Variants in GTF3C5 observed in about 807,000 individuals in gnomAD.
GTF3C5 encodes general transcription factor 3C polypeptide 5.
A neutral mutation model predicts 61.0 loss-of-function variants in GTF3C5; 47 were observed. The ratio of observed to expected loss-of-function variants is 0.77; its 90% confidence interval spans 0.61 to 0.98. GTF3C5 has a LOEUF of 0.98. Among genes scored for constraint, GTF3C5 ranks in the 50% least tolerant of loss-of-function variants. The pLI is 0.00. For synonymous variants in GTF3C5, 295 were observed against 275.4 expected, an observed-to-expected ratio of 1.07 and a Z score of -0.71; for missense variants, 659 against 703.3, an observed-to-expected ratio of 0.94 and a Z score of 0.71.
At position 133,058,092 on chromosome 9, in the gene GTF3C5, T is replaced by G. The variant is rs1829993858; in HGVS notation, c.*112T>G. On this transcript the variant is annotated 3_prime_UTR_variant, in exon 11 of 11. Transcript: ENST00000372097. The stretch of plus-strand genomic sequence containing the variant: ...TGCCCGGAATGGCCCTAGGAGGCCC[T>G]CTGAGGAGAGCTAGAGTCCCAGCAA... The G allele has an allele frequency of 3.2e-6, 5 of 1,542,362 alleles. No individual in the cohort carries two copies. Among genetic ancestry groups the G allele is most frequent in the Non-Finnish European group, 4.4e-6 (5 of 1,148,814 alleles).
At chr9:133,048,582 TCGCTTGAACCCAGGATG>T (rs1564200845) in intron 3 of GTF3C5, among the ~76,000 whole-genome samples, 2 of 152,130 alleles carry the variant, frequency 1.3e-5, no homozygotes, top group Non-Finnish European at 2.9e-5. Flanking sequence ...GGCAGGAGAA[TCGCTTGAACCCAGGATG>T]TGGAGGTTGA....
At position 133,056,016 on chromosome 9, in the gene GTF3C5, C is replaced by G; in HGVS notation, c.1172C>G (p.Ser391Cys). 6.2e-7 allele frequency: 1 copy of G among 1,614,132 alleles called. No individual in the cohort carries two copies. Among genetic ancestry groups the G allele is most frequent in the Non-Finnish European group, 8.5e-7 (1 of 1,179,966 alleles). The change falls in exon 9 of 11, where the codon TCT (serine) becomes TGT (cysteine). Residue 391 changes from serine (S) to cysteine (C), a missense_variant. Ser to Cys is a moderately radical substitution (Grantham distance 112). Transcript: ENST00000372097. ...PASSKYKLKD[S>C]VYIFREGALP... ...TCTCTCCCCCTTTGTCACCAGGACT[C>G]TGTCTACATCTTCCGGGAAGGGGCC...
intron 3 of GTF3C5, among the ~76,000 whole-genome samples, chr9:133,047,668 C>T (rs550977514): frequency 2.2e-4 from 34 of 152,104 alleles, no homozygotes; most frequent in African/African-American, 4.3e-4. Flanking sequence ...ATTACAGGTG[C>T]GCGCCATCAC....
At chr9:133,055,877 C>T in intron 8 of GTF3C5, 135 bp from the exon 9 acceptor site, 1 of 1,458,906 alleles carries the variant, frequency 6.9e-7, no homozygotes, top group Non-Finnish European at 9.1e-7. Context: ...GCCTTCCAGC[C>T]TGTCTGCCCA....
Position 133,043,863 on chromosome 9 carries a change from C to G in GTF3C5, c.509C>G (p.Pro170Arg), listed in dbSNP as rs376483496. 4 of 1,614,116 alleles carry G rather than the reference C, an allele frequency of 2.5e-6. No individual in the cohort carries two copies. The highest frequency in any genetic ancestry group is 2.2e-5 in the East Asian group (1 of 44,882). The change falls in exon 3 of 11, where the codon CCA becomes CGA. Residue 170 changes from proline (P) to arginine (R), a missense_variant. Pro to Arg is a moderately radical substitution (Grantham distance 103). Coordinates refer to ENST00000372097, the MANE Select transcript of GTF3C5 (RefSeq NM_012087.4). Reference protein sequence around the residue: ...FHQELPLYIPPPIFSRLDAPV... With the variant: ...FHQELPLYIPRPIFSRLDAPV... ...CAGGAGCTGCCGCTCTACATCCCCC[C>G]ACCCATCTTCTCCCGGCTGGACGCC... is the stretch of plus-strand genomic sequence containing the variant.
At chr9:133,050,693 G>C (rs923849884) in intron 3 of GTF3C5, 90 bp from the exon 4 acceptor site, 9 of 902,778 alleles carry the variant, frequency 1.0e-5, no homozygotes, top group South Asian at 9.0e-5. Flanking sequence ...GTGGGCCTTG[G>C]GGGGTTCTGG....
intron 5 of GTF3C5, among the ~76,000 whole-genome samples, chr9:133,052,756 C>A (rs1044646863): frequency 6.6e-6 from 1 of 152,220 alleles, no homozygotes; most frequent in East Asian, 1.9e-4. Flanking sequence ...AAGAAAGACT[C>A]ATTTCTTCTG....
intron 1 of GTF3C5, among the ~76,000 whole-genome samples, chr9:133,031,425 C>A (rs1316138903): frequency 6.6e-6 from 1 of 152,010 alleles, no homozygotes. Flanking sequence ...GATTTTGGCT[C>A]ACTGCAACCT....
At position 133,049,580 on chromosome 9, in the gene GTF3C5, G is replaced by A. The variant is rs149897297; in HGVS notation, c.573-1203G>A. Reference sequence around the variant, plus strand: ...TTCGATGAAATGCAGTTAACCATGTGCTGATCATTGCTGAAGCTGGTGACG... The same window carrying A: ...TTCGATGAAATGCAGTTAACCATGTACTGATCATTGCTGAAGCTGGTGACG... On this transcript the variant is annotated intron_variant, in intron 3 of 10. Coordinates refer to ENST00000372097, the MANE Select transcript of GTF3C5 (RefSeq NM_012087.4). 3.0e-3 allele frequency among the ~76,000 whole-genome samples: 453 copies of A among 152,312 alleles called. 1 individual carries two copies. Among genetic ancestry groups the A allele is most frequent in the Non-Finnish European group, 4.4e-3 (302 of 68,026 alleles).
intron 1 of GTF3C5, among the ~76,000 whole-genome samples, chr9:133,037,854 C>T (rs568088604): frequency 5.2e-4 from 79 of 152,286 alleles, no homozygotes; most frequent in Admixed American, 2.2e-3. Context: ...AACAGAAGAG[C>T]GAGCAGCACC....
chr9:133,033,843 G>C (rs1375900942), intron 1 of GTF3C5, among the ~76,000 whole-genome samples: 2 of 152,214 alleles, frequency 1.3e-5, no homozygotes, highest in Non-Finnish European at 2.9e-5. Context: ...TCAATTGCTA[G>C]AGTTTGCTTT....
chr9:133,055,504 C>T (rs1469150044), intron 8 of GTF3C5: 3 of 1,198,692 alleles, frequency 2.5e-6, no homozygotes, highest in Non-Finnish European at 3.2e-6. Flanking sequence ...TGCGGCCTTC[C>T]TTCTCGAGGC....
chr9:133,033,623 C>T (rs1681291395), intron 1 of GTF3C5, among the ~76,000 whole-genome samples: 1 of 152,072 alleles, frequency 6.6e-6, no homozygotes, highest in African/African-American at 2.4e-5. Flanking sequence ...AGAGAGAGCT[C>T]GGCACGATTT....
upstream of GTF3C5, chr9:133,030,754 T>C (rs1366811649): frequency 1.3e-5 from 8 of 595,054 alleles, no homozygotes; most frequent in Non-Finnish European, 2.1e-5. Context: ...GAGAGACTGG[T>C]GCTTGCCCCG....
chr9:133,034,067 G>T (rs73662413), intron 1 of GTF3C5, among the ~76,000 whole-genome samples: 2 of 152,068 alleles, frequency 1.3e-5, no homozygotes, highest in African/African-American at 2.4e-5. Context: ...CTCCTAACCC[G>T]TACCGTCCGA....
intron 1 of GTF3C5, among the ~76,000 whole-genome samples, chr9:133,034,995 A>G (rs1025505876): frequency 2.0e-5 from 3 of 152,116 alleles, no homozygotes; most frequent in Non-Finnish European, 2.9e-5. Flanking sequence ...CTCTAAGACT[A>G]ATTTGGTTAA....
intron 3 of GTF3C5, among the ~76,000 whole-genome samples, chr9:133,047,564 C>T (rs1004326139): frequency 3.9e-5 from 6 of 151,912 alleles, no homozygotes; most frequent in African/African-American, 1.5e-4. Context: ...TCTTGTCACC[C>T]AGGCTGGAAT....
rs776399074 is a variant in GTF3C5 at position 133,057,881 on chromosome 9, CGAGGAGGATGAG to C, written c.1470_1481del (p.Asp490_Glu493del). On this transcript the variant is annotated inframe_deletion, in exon 11 of 11. Coordinates refer to ENST00000372097, the MANE Select transcript of GTF3C5 (RefSeq NM_012087.4). ...AGCTGACGTACGAGTCTGGGGAAGACGAGGAGGATGAGGAGGAGGAGGAAGAGGAGGAGGAGG... is the reference window on the plus strand; with the variant it reads ...AGCTGACGTACGAGTCTGGGGAAGACGAGGAGGAGGAAGAGGAGGAGGAGG... 2 of 1,613,538 alleles carry C rather than the reference CGAGGAGGATGAG, an allele frequency of 1.2e-6. No individual in the cohort carries two copies. Among genetic ancestry groups the C allele is most frequent in the Non-Finnish European group, 1.7e-6 (2 of 1,179,878 alleles).
At chr9:133,040,585 G>A (rs1209150944) in intron 1 of GTF3C5, among the ~76,000 whole-genome samples, 1 of 152,168 alleles carries the variant, frequency 6.6e-6, no homozygotes. Context: ...TCAGTTTCAT[G>A]TGCTTGGAAA....
Sources: allele counts gnomAD v4.1 joint callset (sites outside exome capture counted in the v4.1 genomes callset), GRCh38; gene constraint gnomAD v4.1.1; transcripts MANE v1.5; gene names NCBI Gene and HGNC (gene_info 2026-07-23, HGNC 2026-07-21).